Variants in ZNF385D observed in about 807,000 individuals in gnomAD.
The protein encoded by ZNF385D is zinc finger protein 659.
ZNF385D carries 15 observed loss-of-function variants against 35.8 expected under a neutral mutation model. That is an observed-to-expected ratio of 0.42 (90% CI 0.28 to 0.64). ZNF385D has a LOEUF of 0.64. Ranked by LOEUF, ZNF385D falls within the 30% of genes least tolerant of loss-of-function variation. The pLI, the probability that ZNF385D is intolerant of heterozygous loss-of-function variation, is 0.23. For synonymous variants in ZNF385D, 212 were observed against 186.8 expected, an observed-to-expected ratio of 1.13 and a Z score of -1.10; for missense variants, 474 against 494.6, an observed-to-expected ratio of 0.96 and a Z score of 0.39.
intron 3 of ZNF385D, among the ~76,000 whole-genome samples, chr3:22,046,914 CTATAT>C (rs1231502924): frequency 7.2e-5 from 11 of 152,152 alleles, no homozygotes; most frequent in South Asian, 2.1e-4. Flanking sequence ...TTATACTATA[CTATAT>C]AAGATTCATT....
At chr3:22,034,920 T>A (rs1698221026) in intron 3 of ZNF385D, among the ~76,000 whole-genome samples, 1 of 152,192 alleles carries the variant, frequency 6.6e-6, no homozygotes, top group African/African-American at 2.4e-5. Flanking sequence ...TCTTACAGAA[T>A]AATAGTATTT....
intron 3 of ZNF385D, among the ~76,000 whole-genome samples, chr3:21,773,449 C>T (rs191926728): frequency 2.1e-4 from 32 of 151,844 alleles, no homozygotes; most frequent in East Asian, 3.9e-4. Flanking sequence ...AGCTTCTGCA[C>T]GGCAAAGGAA....
intron 3 of ZNF385D, among the ~76,000 whole-genome samples, chr3:22,109,738 A>G (rs1702411058): frequency 6.6e-6 from 1 of 152,174 alleles, no homozygotes; most frequent in African/African-American, 2.4e-5. Flanking sequence ...CATGCCTAAA[A>G]CACCAAAAGC....
chr3:22,158,679 T>TA (rs1030031989), intron 3 of ZNF385D, among the ~76,000 whole-genome samples: 3 of 149,832 alleles, frequency 2.0e-5, no homozygotes, highest in Admixed American at 2.0e-4. Context: ...CACACACACA[T>TA]ACACACACAC....
In ZNF385D at chr3:21,887,417, G is replaced by T. The variant is rs1301603135; in HGVS notation, c.326-222389C>A. On this transcript the variant is annotated intron_variant, in intron 3 of 5. Coordinates refer to the ZNF385D transcript ENST00000494108. ...ATTTGTAGATGGAGAATTTAAAAGAGCAAAAAACAGCAACAACTAAAATCT... is the reference window on the plus strand; with the variant it reads ...ATTTGTAGATGGAGAATTTAAAAGATCAAAAAACAGCAACAACTAAAATCT... Among the ~76,000 whole-genome samples, 5 of 152,198 alleles carry T rather than the reference G, an allele frequency of 3.3e-5. No individual in the cohort carries two copies. The East Asian group carries it at 9.6e-4, about 29-fold the overall frequency.
intron 3 of ZNF385D, among the ~76,000 whole-genome samples, chr3:21,982,593 T>C (rs1283809424): frequency 6.6e-6 from 1 of 152,192 alleles, no homozygotes; most frequent in Non-Finnish European, 1.5e-5. Context: ...CTTGCCTGTT[T>C]GCTCTGGTTA....
chr3:22,049,057 G>T (rs62248438), intron 3 of ZNF385D, among the ~76,000 whole-genome samples: 3 of 152,036 alleles, frequency 2.0e-5, no homozygotes, highest in African/African-American at 7.2e-5. Flanking sequence ...AGCACTGTGC[G>T]AGGCCTATGT....
At chr3:21,977,578 G>C (rs915488731) in intron 3 of ZNF385D, among the ~76,000 whole-genome samples, 6 of 152,180 alleles carry the variant, frequency 3.9e-5, no homozygotes, top group African/African-American at 1.4e-4. Context: ...CAGCTATTTT[G>C]GAGGCCATAG....
chr3:21,484,825 A>C (rs559281234), intron 4 of ZNF385D, among the ~76,000 whole-genome samples: 1 of 152,308 alleles, frequency 6.6e-6, no homozygotes, highest in South Asian at 2.1e-4. Flanking sequence ...GACTGAAAAG[A>C]GCAGACTTGT....
chr3:21,908,279 G>C (rs906013650), intron 3 of ZNF385D, among the ~76,000 whole-genome samples: 10 of 151,884 alleles, frequency 6.6e-5, no homozygotes, highest in African/African-American at 2.4e-4. Flanking sequence ...GTAAGGAAAA[G>C]AAAAATATAA....
chr3:21,913,242 A>G (rs1424407083), intron 3 of ZNF385D, among the ~76,000 whole-genome samples: 1 of 152,124 alleles, frequency 6.6e-6, no homozygotes, highest in Non-Finnish European at 1.5e-5. Context: ...GTCACCATGC[A>G]GTGCTGCAAT....
At chr3:21,878,488 C>T (rs1307754744) in intron 3 of ZNF385D, among the ~76,000 whole-genome samples, 7 of 151,806 alleles carry the variant, frequency 4.6e-5, no homozygotes, top group Non-Finnish European at 8.8e-5. Context: ...GTGTATCATA[C>T]GTTGAAAATC....
chr3:21,992,518 A>T (rs770422332), intron 3 of ZNF385D, among the ~76,000 whole-genome samples: 2 of 152,128 alleles, frequency 1.3e-5, no homozygotes, highest in Non-Finnish European at 1.5e-5. Context: ...AAGCTCTTTA[A>T]ATGTTATCCT....
At chr3:22,057,478 C>T (rs971618609) in intron 3 of ZNF385D, among the ~76,000 whole-genome samples, 2 of 151,754 alleles carry the variant, frequency 1.3e-5, no homozygotes, top group African/African-American at 4.8e-5. Context: ...ATGCAAATTA[C>T]TCCAAAACAT....
At chr3:22,355,668 T>A (rs897540133) in intron 2 of ZNF385D, among the ~76,000 whole-genome samples, 1 of 151,814 alleles carries the variant, frequency 6.6e-6, no homozygotes, top group Admixed American at 6.6e-5. Flanking sequence ...TTAAAAAAAA[T>A]TCCAGGAAAA....
At chr3:22,174,489 T>C (rs563062760) in intron 2 of ZNF385D, among the ~76,000 whole-genome samples, 1 of 152,288 alleles carries the variant, frequency 6.6e-6, no homozygotes, top group South Asian at 2.1e-4. Context: ...CTAAATGGTA[T>C]AAACCAAAAT....
In ZNF385D at chr3:21,813,534, C is replaced by T. The variant is rs549274811; in HGVS notation, c.326-148506G>A. 1.9e-4 allele frequency among the ~76,000 whole-genome samples: 29 copies of T among 152,264 alleles called. 1 individual carries two copies. The South Asian group carries it at 5.6e-3, about 29-fold the overall frequency. ...GACCTGATGGAGCTGAAAACCATGGCACGAGAATTATGCGACTCATGCACA... is the reference window on the plus strand; with the variant it reads ...GACCTGATGGAGCTGAAAACCATGGTACGAGAATTATGCGACTCATGCACA... On this transcript the variant is annotated intron_variant, in intron 3 of 5. Transcript: ENST00000494108.
chr3:21,898,790 G>A (rs1699262814), intron 3 of ZNF385D, among the ~76,000 whole-genome samples: 1 of 152,040 alleles, frequency 6.6e-6, no homozygotes, highest in African/African-American at 2.4e-5. Context: ...CCCTGATAAA[G>A]CAAAGGCTAC....
rs78072403 is a variant in ZNF385D at position 22,071,051 on chromosome 3, C to A, written c.325+97766G>T. Among the ~76,000 whole-genome samples, 17 of 152,064 alleles carry A rather than the reference C, an allele frequency of 1.1e-4. 1 individual carries two copies. The highest frequency in any genetic ancestry group is 3.3e-4 in the Admixed American group (5 of 15,250). ...TGAAAAGAATAAAAATATTGATGCA[C>A]TGAACACTTTGAAATAGAAAGGTAA... On this transcript the variant is annotated intron_variant, in intron 3 of 5. Transcript: ENST00000494108.
Sources: allele counts gnomAD v4.1 joint callset (sites outside exome capture counted in the v4.1 genomes callset), GRCh38; gene constraint gnomAD v4.1.1; transcripts MANE v1.5; gene names NCBI Gene and HGNC (gene_info 2026-07-23, HGNC 2026-07-21).